The following FOXN1 variants were observed in gnomAD, a reference collection of about 807,000 sequenced individuals.
FOXN1 encodes forkhead box protein N1.
A neutral mutation model predicts 49.0 loss-of-function variants in FOXN1; 15 were observed. The observed-to-expected ratio is 0.31, with a 90% CI of 0.20 to 0.47. FOXN1 has a LOEUF of 0.47. Among genes scored for constraint, FOXN1 ranks in the 20% least tolerant of loss-of-function variants. The probability of loss-of-function intolerance (pLI) is 1.00; values close to 1 mark genes in which losing one functional copy is unlikely to be tolerated. For missense variants in FOXN1, 800 were observed against 842.8 expected (o/e 0.95, Z 0.63); for synonymous variants, 356 against 369.0 (o/e 0.96, Z 0.40).
intron 8 of FOXN1, among the ~76,000 whole-genome samples, chr17:28,536,054 T>C (rs637931): frequency 0.35 from 53,402 of 151,858 alleles, 10,191 homozygotes; most frequent in African/African-American, 0.5. Flanking sequence ...TTCCAGTGCA[T>C]CCCAGGCCCT....
intron 1 of FOXN1, among the ~76,000 whole-genome samples, chr17:28,522,710 A>C (rs892087125): frequency 6.7e-6 from 1 of 149,630 alleles, no homozygotes; most frequent in Non-Finnish European, 1.5e-5. Flanking sequence ...TGGTGGTACA[A>C]GCCTGTAGTC....
At chr17:28,508,899 T>C (rs781809971) in intron 1 of FOXN1, among the ~76,000 whole-genome samples, 2 of 152,022 alleles carry the variant, frequency 1.3e-5, no homozygotes, top group African/African-American at 4.8e-5. Flanking sequence ...GAAACCAGGA[T>C]TGGCTTCTGC....
chr17:28,529,163 G>T lies in FOXN1; in HGVS notation c.769G>T (p.Ala257Ser). ...CTCACACTATCAGTACCAGCGAATG[G>T]CACCCCAGGCCAGCACCGATGGGCA... ...GSSHYQYQRM[A>S]PQASTDGHQP... Residue 257 changes from alanine to serine, a missense_variant, in exon 5 of 9, where the codon GCA becomes TCA. Coordinates refer to ENST00000579795, the MANE Select transcript of FOXN1 (RefSeq NM_001369369.1). 6.2e-7 allele frequency: 1 copy of T among 1,614,106 alleles called. No individual in the cohort carries two copies. Among genetic ancestry groups the T allele is most frequent in the South Asian group, 1.1e-5 (1 of 91,078 alleles).
At chr17:28,522,472 T>A (rs1426112081) in intron 1 of FOXN1, among the ~76,000 whole-genome samples, 2 of 151,844 alleles carry the variant, frequency 1.3e-5, no homozygotes, top group African/African-American at 4.8e-5. Context: ...AATAGTGAAA[T>A]CCCTTCTCTA....
chr17:28,536,291 A>G (rs1161111710), intron 8 of FOXN1, among the ~76,000 whole-genome samples: 1 of 152,232 alleles, frequency 6.6e-6, no homozygotes, highest in East Asian at 1.9e-4. Context: ...AGAGGAAGCT[A>G]TAGACATGTG....
chr17:28,529,076 C>T lies in FOXN1; in HGVS notation c.700-18C>T. ...GCTGGGTACCATGCAATCACTCTGC[C>T]CCTTTTGACCTCCTCAGTACTCGCC... On this transcript the variant is annotated intron_variant, in intron 4 of 8. Transcript: ENST00000579795. 1.2e-6 allele frequency: 2 copies of T among 1,613,924 alleles called. No homozygotes were observed. Among genetic ancestry groups the T allele is most frequent in the Non-Finnish European group, 8.5e-7 (1 of 1,179,914 alleles).
At chr17:28,506,601 G>A (rs1242188296) in intron 1 of FOXN1, among the ~76,000 whole-genome samples, 158 bp downstream of exon 1, 2 of 152,242 alleles carry the variant, frequency 1.3e-5, no homozygotes, top group Admixed American at 1.3e-4. Flanking sequence ...GTGAGTGCCT[G>A]GAGGCCAAGG....
intron 2 of FOXN1, 88 bp from the exon 3 acceptor site, chr17:28,524,415 C>A: frequency 8.4e-7 from 1 of 1,197,558 alleles, no homozygotes; most frequent in Non-Finnish European, 1.2e-6. Context: ...CATAGACCCC[C>A]TTTACCCCAG....
intron 1 of FOXN1, among the ~76,000 whole-genome samples, chr17:28,517,446 C>A (rs564778653): frequency 4.6e-5 from 7 of 150,876 alleles, no homozygotes; most frequent in Admixed American, 4.6e-4. Context: ...GGGTACACAC[C>A]TCCACAGGGT....
chr17:28,514,568 G>A (rs12944511), intron 1 of FOXN1, among the ~76,000 whole-genome samples: 124,575 of 151,996 alleles, frequency 0.82, 51,313 homozygotes, highest in Non-Finnish European at 0.85. Context: ...CATAATTGCC[G>A]AGCTGCTCCA....
chr17:28,511,340 T>C (rs1555606972), intron 1 of FOXN1, among the ~76,000 whole-genome samples: 1 of 152,194 alleles, frequency 6.6e-6, no homozygotes, highest in South Asian at 2.1e-4. Context: ...GATAATGATA[T>C]GTACAGAATG....
At position 28,524,016 on chromosome 17, in the gene FOXN1, C is replaced by T. The variant is rs2069704198; in HGVS notation, c.47C>T (p.Pro16Leu). ...PPQSDVTLPGPTRLEGERQGD... is the reference protein window; with the variant it reads ...PPQSDVTLPGLTRLEGERQGD... The stretch of plus-strand genomic sequence containing the variant: ...CAGTCTGACGTCACGCTGCCGGGCC[C>T]CACCAGACTGGAGGGCGAGCGCCAA... Residue 16 changes from proline (P) to leucine (L), a missense_variant, in exon 2 of 9, where the codon CCC (proline) becomes CTC (leucine). Pro to Leu is a moderately conservative substitution (Grantham distance 98). Coordinates refer to ENST00000579795, the MANE Select transcript of FOXN1 (RefSeq NM_001369369.1). 3 of 1,612,916 alleles carry T rather than the reference C, an allele frequency of 1.9e-6. No individual in the cohort carries two copies. Among genetic ancestry groups the T allele is most frequent in the Non-Finnish European group, 1.7e-6 (2 of 1,179,934 alleles).
chr17:28,513,262 T>C (rs2069428989), intron 1 of FOXN1, among the ~76,000 whole-genome samples: 1 of 152,048 alleles, frequency 6.6e-6, no homozygotes, highest in African/African-American at 2.4e-5. Flanking sequence ...GAGTGAGACT[T>C]TGTCTCAAAC....
At chr17:28,510,822 G>A (rs2069380231) in intron 1 of FOXN1, among the ~76,000 whole-genome samples, 1 of 152,176 alleles carries the variant, frequency 6.6e-6, no homozygotes, top group Non-Finnish European at 1.5e-5. Flanking sequence ...CCGCAAGCGT[G>A]GTCAATCTGC....
chr17:28,529,403 T>C (rs1044893072), intron 5 of FOXN1, among the ~76,000 whole-genome samples, 179 bp downstream of exon 5: 2 of 152,138 alleles, frequency 1.3e-5, no homozygotes. Context: ...ATAGACTGGA[T>C]CAGCTCTGAC....
intron 4 of FOXN1, among the ~76,000 whole-genome samples, chr17:28,528,244 T>A (rs866162597): frequency 9.9e-5 from 15 of 152,198 alleles, no homozygotes; most frequent in Non-Finnish European, 1.5e-4. Context: ...TGAGAGGACA[T>A]CCTCTCTGCC....
rs535721400 is a variant in FOXN1 at position 28,508,073 on chromosome 17, C to A, written c.-15+1630C>A. On this transcript the variant is annotated intron_variant, in intron 1 of 8. Transcript: ENST00000579795. ...CTCAGCTCCCGGCTCCAGGGCCTGC[C>A]GAGGCACGCTGCACCCCCAGGCCCG... is the stretch of plus-strand genomic sequence containing the variant. 2.6e-5 allele frequency among the ~76,000 whole-genome samples: 4 copies of A among 152,266 alleles called. No individual in the cohort carries two copies. The East Asian group carries it at 7.7e-4, about 29-fold the overall frequency.
chr17:28,524,201 G>C (rs1358726585), intron 2 of FOXN1, 109 bp downstream of exon 2: 2 of 1,173,038 alleles, frequency 1.7e-6, no homozygotes, highest in Non-Finnish European at 2.4e-6. Context: ...GGCCTGTCTT[G>C]TCCCCTCCAC....
At chr17:28,507,979 C>A (rs1177734842) in intron 1 of FOXN1, among the ~76,000 whole-genome samples, 3 of 152,194 alleles carry the variant, frequency 2.0e-5, no homozygotes, top group Non-Finnish European at 2.9e-5. Context: ...GGCGAAGGAG[C>A]CACAGGGAGA....
Sources: gnomAD v4.1 joint callset for allele counts (sites outside exome capture counted in the v4.1 genomes callset) on GRCh38, gnomAD v4.1.1 for gene constraint, MANE v1.5 for transcripts, NCBI Gene and HGNC (gene_info 2026-07-23, HGNC 2026-07-21) for gene names.